PDS5B: variants seen among roughly 807,000 people sequenced by gnomAD.
PDS5B encodes the protein PDS5 cohesin associated factor B.
In PDS5B, 51 loss-of-function variants were observed where a neutral mutation model predicts 184.1. That is an observed-to-expected ratio of 0.28 (90% CI 0.22 to 0.35). The LOEUF is 0.35. Among genes scored for constraint, PDS5B ranks in the 10% least tolerant of loss-of-function variants. The pLI, the probability that PDS5B is intolerant of heterozygous loss-of-function variation, is 1.00. For missense variants in PDS5B, 1,180 were observed against 1,723.3 expected (o/e 0.68, Z 5.58); for synonymous variants, 566 against 569.2 (o/e 0.99, Z 0.08).
chr13:32,609,613 A>T (rs769215070), intron 1 of PDS5B, among the ~76,000 whole-genome samples: 1 of 152,226 alleles, frequency 6.6e-6, no homozygotes, highest in South Asian at 2.1e-4. Flanking sequence ...ACCATAGTCC[A>T]TGGAAATAGT....
intron 7 of PDS5B, among the ~76,000 whole-genome samples, chr13:32,669,482 A>G (rs1950879933): frequency 6.6e-6 from 1 of 152,190 alleles, no homozygotes; most frequent in South Asian, 2.1e-4. Context: ...TAGGTTCGTT[A>G]TACTGTTCTC....
intron 1 of PDS5B, among the ~76,000 whole-genome samples, chr13:32,610,653 C>G (rs931318953): frequency 1.4e-5 from 2 of 147,556 alleles, no homozygotes; most frequent in Admixed American, 6.7e-5. Flanking sequence ...CTAATTTTTT[C>G]CTTTGAGAGA....
chr13:32,642,739 T>C (rs1188690776), intron 1 of PDS5B, among the ~76,000 whole-genome samples: 1 of 142,070 alleles, frequency 7.0e-6, no homozygotes, highest in Non-Finnish European at 1.5e-5. Context: ...TAACTGAAAT[T>C]TGCTCTCTGA....
chr13:32,774,177 CAT>C (rs1276447237), intron 34 of PDS5B, among the ~76,000 whole-genome samples: 3 of 152,138 alleles, frequency 2.0e-5, no homozygotes, highest in African/African-American at 7.2e-5. Flanking sequence ...TAGGAAAAAA[CAT>C]AATACATTTA....
At chr13:32,751,669 CTA>C (rs1214919363) in intron 24 of PDS5B, among the ~76,000 whole-genome samples, 1 of 152,242 alleles carries the variant, frequency 6.6e-6, no homozygotes, top group East Asian at 1.9e-4. Context: ...TGAAAAGTGT[CTA>C]TGTCCTTTGC....
chr13:32,751,024 AC>A lies in PDS5B; in HGVS notation c.2737-2305del, dbSNP rs373845034. ...CCCAAAAGGTAGTTTTTCCATCTTC[AC>A]CCTCCTACCCTCCACCCTCAAGAAG... On this transcript the variant is annotated intron_variant, in intron 24 of 34. Coordinates refer to ENST00000315596, the MANE Select transcript of PDS5B (RefSeq NM_015032.4). Among the ~76,000 whole-genome samples, 37 of 151,848 alleles carry A rather than the reference AC, an allele frequency of 2.4e-4. No individual in the cohort carries two copies. In the East Asian group the frequency reaches 5.4e-3, roughly 22 times the overall value.
At chr13:32,604,142 C>G (rs1362356843) in intron 1 of PDS5B, among the ~76,000 whole-genome samples, 2 of 151,660 alleles carry the variant, frequency 1.3e-5, no homozygotes, top group Non-Finnish European at 2.9e-5. Context: ...GAGGGCATCC[C>G]TGTCTTGTGC....
chr13:32,721,566 G>C (rs951975979), intron 19 of PDS5B, among the ~76,000 whole-genome samples: 2 of 146,930 alleles, frequency 1.4e-5, no homozygotes, highest in Non-Finnish European at 3.0e-5. Context: ...CTCCCAGATG[G>C]GGTGGCGGCC....
chr13:32,594,819 T>C (rs2057833226), intron 1 of PDS5B, among the ~76,000 whole-genome samples: 1 of 152,220 alleles, frequency 6.6e-6, no homozygotes, highest in South Asian at 2.1e-4. Context: ...AATAATCTTT[T>C]AGTGAGAGCC....
chr13:32,760,769 G>T, intron 30 of PDS5B, 49 bp downstream of exon 30: 2 of 1,536,652 alleles, frequency 1.3e-6, no homozygotes, highest in Non-Finnish European at 1.8e-6. Flanking sequence ...TTCCAGCAAG[G>T]CTATGAGATC....
chr13:32,721,117 C>A (rs1280837223), intron 19 of PDS5B, among the ~76,000 whole-genome samples: 1 of 152,262 alleles, frequency 6.6e-6, no homozygotes, highest in East Asian at 1.9e-4. Context: ...TCGACAAAAC[C>A]ACCATTGTCA....
At chr13:32,716,875 C>G (rs1403932579) in intron 19 of PDS5B, among the ~76,000 whole-genome samples, 1 of 121,428 alleles carries the variant, frequency 8.2e-6, no homozygotes. Context: ...CCAGCCGCCC[C>G]GTCCGGGAGG....
intron 33 of PDS5B, among the ~76,000 whole-genome samples, chr13:32,771,760 A>C (rs778773231): frequency 7.9e-5 from 12 of 152,246 alleles, no homozygotes; most frequent in Admixed American, 1.3e-4. Context: ...TTTCTAAACA[A>C]AGGATTCTTA....
rs1566294029 is a variant in PDS5B at position 32,658,333 on chromosome 13, ATATCTTG to A, written c.399+16_399+22del. The A allele has an allele frequency of 1.4e-6, 2 of 1,446,358 alleles. No individual in the cohort carries two copies. Among genetic ancestry groups the A allele is most frequent in the African/African-American group, 1.4e-5 (1 of 71,722 alleles). 89.6% of individuals were successfully genotyped at this position (1,446,358 alleles called of 1,614,324 possible). On this transcript the variant is annotated intron_variant, in intron 4 of 34. Coordinates refer to ENST00000315596, the MANE Select transcript of PDS5B (RefSeq NM_015032.4). Reference sequence around the variant, plus strand: ...TATTTTTATTTACTTGAGGTAAGCAATATCTTGTATCTTGAGATGACATTTTAAACTG... The same window carrying A: ...TATTTTTATTTACTTGAGGTAAGCAATATCTTGAGATGACATTTTAAACTG...
At chr13:32,717,703 TA>T (rs1952512501) in intron 19 of PDS5B, among the ~76,000 whole-genome samples, 1 of 107,488 alleles carries the variant, frequency 9.3e-6, no homozygotes, top group Non-Finnish European at 2.0e-5. Flanking sequence ...AAAAAAAAAA[TA>T]AATAAATCAA....
In PDS5B at chr13:32,590,506, A is replaced by G. The variant is rs192094160; in HGVS notation, c.-20+3913A>G. On this transcript the variant is annotated intron_variant, in intron 1 of 34. Transcript: ENST00000315596. ...CAGGCCCTCCTTCCTTTTCAGTGGC[A>G]GTTGAGGTTGCTCTTTTTATGTGGG... 1.2e-3 allele frequency among the ~76,000 whole-genome samples: 186 copies of G among 152,248 alleles called. 2 individuals are homozygous for G. In the South Asian group the frequency reaches 0.016, roughly 13 times the overall value.
chr13:32,760,511 T>C, intron 29 of PDS5B, 64 bp from the exon 30 acceptor site: 1 of 1,483,754 alleles, frequency 6.7e-7, no homozygotes, highest in East Asian at 2.3e-5. Flanking sequence ...TATTTATGGT[T>C]CTTTACACGT....
intron 13 of PDS5B, chr13:32,690,093 A>G (rs1284014380): frequency 1.3e-5 from 2 of 152,230 alleles, no homozygotes; most frequent in Non-Finnish European, 2.9e-5. Flanking sequence ...AATTTGAAAC[A>G]CTTCTATAAA....
Position 32,673,205 on chromosome 13 carries a change from C to A in PDS5B, c.706-11C>A, listed in dbSNP as rs1950981604. 1 of 1,607,114 alleles carries A rather than the reference C, an allele frequency of 6.2e-7. No homozygotes were observed. Among genetic ancestry groups the A allele is most frequent in the South Asian group, 1.1e-5 (1 of 89,958 alleles). On this transcript the variant is annotated splice_polypyrimidine_tract_variant and intron_variant, in intron 7 of 34. Transcript: ENST00000315596. ...TTTCTACTAATGATAGGCTTTCTTT[C>A]TCCTCAAAAGTTTTTTAATCAGGTT...
Sources: gnomAD v4.1 joint callset for allele counts (sites outside exome capture counted in the v4.1 genomes callset) on GRCh38, gnomAD v4.1.1 for gene constraint, MANE v1.5 for transcripts, NCBI Gene and HGNC (gene_info 2026-07-23, HGNC 2026-07-21) for gene names.